ARGLU1: variants seen among roughly 807,000 people sequenced by gnomAD.
ARGLU1 encodes arginine and glutamate rich 1.
ARGLU1 carries 9 observed loss-of-function variants against 37.6 expected under a neutral mutation model. That is an observed-to-expected ratio of 0.24 (90% CI 0.14 to 0.42). The LOEUF is 0.42. Ranked by LOEUF, ARGLU1 falls within the 10% of genes least tolerant of loss-of-function variation. The pLI is 1.00. For missense variants in ARGLU1, 211 were observed against 359.2 expected (o/e 0.59, Z 3.34); for synonymous variants, 166 against 138.5 (o/e 1.20, Z -1.39).
At chr13:106,554,526 G>A (rs111699780) in intron 3 of ARGLU1, among the ~76,000 whole-genome samples, 1 of 152,100 alleles carries the variant, frequency 6.6e-6, no homozygotes, top group Non-Finnish European at 1.5e-5. Flanking sequence ...TACATTTTTT[G>A]TCTCCTCCTA....
chr13:106,551,394 T>C (rs1025632469), intron 3 of ARGLU1, among the ~76,000 whole-genome samples: 4 of 152,126 alleles, frequency 2.6e-5, no homozygotes, highest in Admixed American at 6.5e-5. Flanking sequence ...CTATCACTTA[T>C]AGAAAGGATC....
At chr13:106,558,786 C>CT in intron 2 of ARGLU1, 1 of 985,212 alleles carries the variant, frequency 1.0e-6, no homozygotes, top group Non-Finnish European at 1.2e-6. Flanking sequence ...TTAGTAGATA[C>CT]TAAAAAAAGT....
At chr13:106,548,081 G>A (rs947703336) in intron 3 of ARGLU1, among the ~76,000 whole-genome samples, 1 of 152,084 alleles carries the variant, frequency 6.6e-6, no homozygotes, top group African/African-American at 2.4e-5. Flanking sequence ...AGTATTTAAT[G>A]CAATGATTTA....
chr13:106,544,217 C>T (rs183057392), intron 3 of ARGLU1, 57 bp from the exon 4 acceptor site: 3 of 1,418,648 alleles, frequency 2.1e-6, no homozygotes, highest in South Asian at 3.0e-5. Context: ...ATCATATGTA[C>T]CCCTGCAACA....
Position 106,567,535 on chromosome 13 carries a change from C to T in ARGLU1, c.347+38G>A, listed in dbSNP as rs756664967. On this transcript the variant is annotated intron_variant, in intron 1 of 3. Coordinates refer to ENST00000400198, the MANE Select transcript of ARGLU1 (RefSeq NM_018011.4). This position sits in a 1 kb window ranked among gnomAD's most constrained non-coding sequence, Gnocchi z 4.3. ...CCACGCCCTCGCCCCGCGCCCTGCTCTCCGCACGCCCCGGTCCCTCCCCGC... is the reference window on the plus strand; with the variant it reads ...CCACGCCCTCGCCCCGCGCCCTGCTTTCCGCACGCCCCGGTCCCTCCCCGC... The T allele has an allele frequency of 1.4e-6, 2 of 1,462,010 alleles. No homozygotes were observed. The highest frequency in any genetic ancestry group is 3.5e-4 in the Middle Eastern group (2 of 5,736). 90.6% of individuals were successfully genotyped at this position (1,462,010 alleles called of 1,614,324 possible).
intron 1 of ARGLU1, among the ~76,000 whole-genome samples, chr13:106,560,845 A>C (rs1424319934): frequency 3.3e-5 from 5 of 152,272 alleles, no homozygotes; most frequent in African/African-American, 1.2e-4. Flanking sequence ...AGAATCATTC[A>C]ATTTATCTGT....
At chr13:106,553,543 C>G (rs1320986237) in intron 3 of ARGLU1, among the ~76,000 whole-genome samples, 1 of 152,124 alleles carries the variant, frequency 6.6e-6, no homozygotes, top group Non-Finnish European at 1.5e-5. Flanking sequence ...CATTTAAATT[C>G]TCATGATCAT....
chr13:106,548,702 T>C (rs1036390040), intron 3 of ARGLU1, among the ~76,000 whole-genome samples: 1 of 152,188 alleles, frequency 6.6e-6, no homozygotes, highest in African/African-American at 2.4e-5. Context: ...TGTTCCATTA[T>C]AGTTAAAAGG....
rs928766087 is a variant in ARGLU1 at position 106,541,838 on chromosome 13, A to C, written c.*2158T>G. ...AAAGGCATATTTAATAAATTAGGGA[A>C]CATCTTAACTTCTAATAGACTGGGG... On this transcript the variant is annotated 3_prime_UTR_variant, in exon 4 of 4. Transcript: ENST00000400198. 2 of 152,240 alleles carry C rather than the reference A, an allele frequency of 1.3e-5. No individual in the cohort carries two copies. Among genetic ancestry groups the C allele is most frequent in the Admixed American group, 1.3e-4 (2 of 15,282 alleles). 9.4% of individuals were successfully genotyped at this position (152,240 alleles called of 1,614,324 possible).
chr13:106,544,045 T>G lies in ARGLU1; in HGVS notation c.773A>C (p.Lys258Thr). The G allele has an allele frequency of 6.2e-7, 1 of 1,604,568 alleles. No individual in the cohort carries two copies. ...QKEEQKIILG[K>T]GKSRPKLSFS... The stretch of plus-strand genomic sequence containing the variant: ...GGACAGTTTTGGCCTGGACTTCCCC[T>G]TGCCCAGGATAATTTTTTGTTCTTC... Residue 258 changes from lysine (K) to threonine (T), a missense_variant, in exon 4 of 4, where the codon AAG becomes ACG. By Grantham distance (78) the Lys-to-Thr change is moderately conservative (BLOSUM62 -1). Around this residue, in one of 3 missense-constraint regions of ARGLU1, gnomAD observed 80 missense variants for 158.4 expected, o/e 0.51. Transcript: ENST00000400198.
chr13:106,547,259 CAT>C (rs2138963921), intron 3 of ARGLU1, among the ~76,000 whole-genome samples: 1 of 152,286 alleles, frequency 6.6e-6, no homozygotes, highest in African/African-American at 2.4e-5. Context: ...GACTAACACA[CAT>C]ATGCTATCAT....
At chr13:106,556,057 T>A (rs1880655206) in intron 3 of ARGLU1, among the ~76,000 whole-genome samples, 1 of 152,162 alleles carries the variant, frequency 6.6e-6, no homozygotes, top group Non-Finnish European at 1.5e-5. Context: ...GCACTGAGGT[T>A]CTCTCCTTAT....
intron 1 of ARGLU1, among the ~76,000 whole-genome samples, chr13:106,566,512 A>C (rs1343143325): frequency 2.0e-5 from 3 of 152,240 alleles, no homozygotes; most frequent in Non-Finnish European, 4.4e-5. Context: ...GGGAGTTAGT[A>C]GGACTGTTCA....
rs1392056997 is a variant in ARGLU1 at position 106,557,990 on chromosome 13, G to C, written c.574-859C>G. On this transcript the variant is annotated intron_variant, in intron 2 of 3. Transcript: ENST00000400198. This position sits in a 1 kb window ranked among gnomAD's most constrained non-coding sequence, Gnocchi z 5.0. ...AAATTCTTCAACTTATTTTTTCTTG[G>C]AGAATTTAATGAGATTTTATAATGC... The C allele has an allele frequency of 1.0e-6, 1 of 985,220 alleles. No individual in the cohort carries two copies. The highest frequency in any genetic ancestry group is 1.2e-6 in the Non-Finnish European group (1 of 829,902). 61.0% of individuals were successfully genotyped at this position (985,220 alleles called of 1,614,324 possible).
intron 1 of ARGLU1, chr13:106,561,836 A>G (rs1025334638): frequency 1.3e-5 from 2 of 152,270 alleles, no homozygotes; most frequent in Admixed American, 1.3e-4. Flanking sequence ...ACTTACAGCA[A>G]ATGCCAAATC....
In ARGLU1 at chr13:106,545,078, C is replaced by G. The variant is rs561467444; in HGVS notation, c.658-918G>C. Among the ~76,000 whole-genome samples, 15 of 152,298 alleles carry G rather than the reference C, an allele frequency of 9.8e-5. No individual in the cohort carries two copies. In the South Asian group the frequency reaches 2.1e-3, roughly 21 times the overall value. On this transcript the variant is annotated intron_variant, in intron 3 of 3. Transcript: ENST00000400198. Reference sequence around the variant, plus strand: ...TCTCAACCAAGCACAATTTTAATCCCTTCCCCAAGGGGACATTAGGCAATG... The same window carrying G: ...TCTCAACCAAGCACAATTTTAATCCGTTCCCCAAGGGGACATTAGGCAATG...
intron 3 of ARGLU1, among the ~76,000 whole-genome samples, chr13:106,549,838 A>C (rs1408080695): frequency 2.6e-5 from 4 of 152,230 alleles, no homozygotes; most frequent in African/African-American, 9.6e-5. Flanking sequence ...GAAGTGACTG[A>C]GATTGAGCTT....
rs1880296942 is a variant in ARGLU1, at chr13:106,542,873, TA to T, written c.*1122del. 1 of 149,362 alleles carries T rather than the reference TA, an allele frequency of 6.7e-6. No homozygotes were observed. Among genetic ancestry groups the T allele is most frequent in the South Asian group, 2.1e-4 (1 of 4,742 alleles). 9.3% of individuals were successfully genotyped at this position (149,362 alleles called of 1,614,324 possible). Reference sequence around the variant, plus strand: ...AGTTCAAATGTGTTTGTCCTAAAAATAAACGTGCAAGTACACTACACAATGA... The same window carrying T: ...AGTTCAAATGTGTTTGTCCTAAAAATAACGTGCAAGTACACTACACAATGA... On this transcript the variant is annotated 3_prime_UTR_variant, in exon 4 of 4. Transcript: ENST00000400198.
At chr13:106,551,585 CAT>C (rs1421872694) in intron 3 of ARGLU1, among the ~76,000 whole-genome samples, 1 of 152,180 alleles carries the variant, frequency 6.6e-6, no homozygotes, top group Non-Finnish European at 1.5e-5. Flanking sequence ...TTTTAGGTAA[CAT>C]ATTACCACAA....
Sources: allele counts gnomAD v4.1 joint callset (sites outside exome capture counted in the v4.1 genomes callset), GRCh38; gene constraint gnomAD v4.1.1; regional missense constraint gnomAD v4.1.1; non-coding constraint Gnocchi (gnomAD v3.1); transcripts MANE v1.5; gene names NCBI Gene and HGNC (gene_info 2026-07-23, HGNC 2026-07-21).